KLHL32: variants seen among roughly 807,000 people sequenced by gnomAD.
KLHL32 encodes kelch-like protein 32.
Under a neutral mutation model 64.8 loss-of-function variants are expected in KLHL32, and 35 were observed. The ratio of observed to expected loss-of-function variants is 0.54; its 90% CI spans 0.41 to 0.72. KLHL32 has a LOEUF of 0.72. Ranked by LOEUF, KLHL32 falls within the 30% of genes least tolerant of loss-of-function variation. KLHL32 has a pLI of 0.00. For missense variants in KLHL32, 589 were observed against 768.5 expected (o/e 0.77, Z 2.76); for synonymous variants, 259 against 281.0 (o/e 0.92, Z 0.78).
intron 3 of KLHL32, among the ~76,000 whole-genome samples, chr6:97,031,431 G>A (rs1031008227): frequency 6.6e-6 from 1 of 151,894 alleles, no homozygotes; most frequent in African/African-American, 2.4e-5. Flanking sequence ...AAACTCATGG[G>A]GTCAAGTGAT....
the KLHL32 span, among the ~76,000 whole-genome samples, chr6:96,916,087 G>A: frequency 6.6e-6 from 1 of 152,202 alleles, no homozygotes; most frequent in Non-Finnish European, 1.5e-5. Flanking sequence ...GACTCCAGAG[G>A]TGCCTTGTGG....
Position 97,139,321 on chromosome 6 carries a change from T to C in KLHL32, c.*39T>C, listed in dbSNP as rs1053159943. On this transcript the variant is annotated 3_prime_UTR_variant, in exon 11 of 11. Coordinates refer to ENST00000369261, the MANE Select transcript of KLHL32 (RefSeq NM_052904.4). ...CATGAACAGGAGGAAAACATAGCTC[T>C]GACTGTTGGATACTGGGCATGAAAA... is the stretch of plus-strand genomic sequence containing the variant. 2 of 1,562,164 alleles carry C rather than the reference T, an allele frequency of 1.3e-6. No individual in the cohort carries two copies. The highest frequency in any genetic ancestry group is 1.8e-6 in the Non-Finnish European group (2 of 1,141,602).
intron 2 of KLHL32, among the ~76,000 whole-genome samples, chr6:96,971,729 C>T (rs1186864026): frequency 6.6e-6 from 1 of 151,876 alleles, no homozygotes; most frequent in Non-Finnish European, 1.5e-5. Flanking sequence ...TTACAGTGTT[C>T]AGGTGGAAAA....
intron 1 of KLHL32, among the ~76,000 whole-genome samples, chr6:96,930,978 G>T (rs1032641068): frequency 6.6e-6 from 1 of 152,100 alleles, no homozygotes; most frequent in Non-Finnish European, 1.5e-5. Flanking sequence ...TCAAGTACCT[G>T]GCGGGTACAG....
chr6:97,034,457 C>G (rs962722145), intron 3 of KLHL32, among the ~76,000 whole-genome samples: 4 of 152,040 alleles, frequency 2.6e-5, no homozygotes, highest in African/African-American at 9.7e-5. Flanking sequence ...ATGCCTCCAG[C>G]ATGTTCTTTT....
At chr6:97,056,654 C>T (rs891443657) in intron 4 of KLHL32, among the ~76,000 whole-genome samples, 13 of 152,144 alleles carry the variant, frequency 8.5e-5, no homozygotes, top group African/African-American at 3.1e-4. Context: ...GCTATTGACT[C>T]CCAGCCCCTA....
In KLHL32 at chr6:97,005,621, C is replaced by T. The variant is rs114300549; in HGVS notation, c.204+29444C>T. On this transcript the variant is annotated intron_variant, in intron 3 of 10. Transcript: ENST00000369261. Reference sequence around the variant, plus strand: ...AACTTTTTGATGTGGGCATTTATTACTATAAACATTCTTCTTCAGTCTGCT... The same window carrying T: ...AACTTTTTGATGTGGGCATTTATTATTATAAACATTCTTCTTCAGTCTGCT... Among the ~76,000 whole-genome samples, 1,084 of 152,182 alleles carry T rather than the reference C, an allele frequency of 7.1e-3. 16 individuals carry two copies. The highest frequency in any genetic ancestry group is 0.024 in the African/African-American group (1,011 of 41,552).
At chr6:96,939,972 G>A (rs1373643631) in intron 1 of KLHL32, among the ~76,000 whole-genome samples, 1 of 152,064 alleles carries the variant, frequency 6.6e-6, no homozygotes, top group Non-Finnish European at 1.5e-5. Flanking sequence ...AATTTTCAGG[G>A]CCTGGTGCTG....
chr6:97,102,124 T>C (rs1795810213), intron 6 of KLHL32, among the ~76,000 whole-genome samples: 1 of 152,192 alleles, frequency 6.6e-6, no homozygotes, highest in Non-Finnish European at 1.5e-5. Flanking sequence ...AGCATGTTGG[T>C]TTTTCATAAA....
Position 97,079,240 on chromosome 6 carries a change from C to T in KLHL32, c.412-5886C>T, listed in dbSNP as rs933342153. ...GCATAATTGAGATATTGAGAGACAC[C>T]GCAAAGGCCATGGCCACTCTGCTGC... On this transcript the variant is annotated intron_variant, in intron 5 of 10. Coordinates refer to ENST00000369261, the MANE Select transcript of KLHL32 (RefSeq NM_052904.4). 1.2e-4 allele frequency among the ~76,000 whole-genome samples: 18 copies of T among 152,122 alleles called. 1 individual carries two copies. Among genetic ancestry groups the T allele is most frequent in the Middle Eastern group, 6.8e-3 (2 of 292 alleles).
At chr6:97,089,900 A>C (rs1449303387) in intron 6 of KLHL32, among the ~76,000 whole-genome samples, 5 of 152,186 alleles carry the variant, frequency 3.3e-5, no homozygotes, top group Non-Finnish European at 7.3e-5. Context: ...AGACCAAAAA[A>C]TTTGCTGGCT....
intron 10 of KLHL32, among the ~76,000 whole-genome samples, chr6:97,132,990 T>TGGAAACTG (rs988697774): frequency 7.9e-5 from 12 of 152,226 alleles, no homozygotes; most frequent in African/African-American, 2.7e-4. Flanking sequence ...TAATATATAT[T>TGGAAACTG]GGAAACTGGG....
At chr6:97,105,592 G>A in intron 6 of KLHL32, 2 of 453,712 alleles carry the variant, frequency 4.4e-6, no homozygotes, top group Non-Finnish European at 9.1e-6. Flanking sequence ...TGCACCTTCA[G>A]CAGAGCTATC....
chr6:96,997,493 A>T (rs1348791225), intron 3 of KLHL32, among the ~76,000 whole-genome samples: 1 of 152,080 alleles, frequency 6.6e-6, no homozygotes, highest in Non-Finnish European at 1.5e-5. Context: ...CGTAAATGTA[A>T]TCCCAGCCCT....
At chr6:97,031,580 T>G (rs1355839150) in intron 3 of KLHL32, among the ~76,000 whole-genome samples, 1 of 152,000 alleles carries the variant, frequency 6.6e-6, no homozygotes, top group Non-Finnish European at 1.5e-5. Flanking sequence ...TCAAGTGAAC[T>G]TCTAGCCTCA....
the KLHL32 span, among the ~76,000 whole-genome samples, chr6:96,918,100 G>A: frequency 6.6e-6 from 1 of 152,288 alleles, no homozygotes; most frequent in East Asian, 1.9e-4. Flanking sequence ...GGCCTAGAAG[G>A]AAGAAGCTAT....
intron 1 of KLHL32, among the ~76,000 whole-genome samples, chr6:96,950,179 A>T (rs2128009249): frequency 6.6e-6 from 1 of 152,254 alleles, no homozygotes; most frequent in Non-Finnish European, 1.5e-5. Flanking sequence ...GCACATTTTT[A>T]ATGACAGAGG....
chr6:97,127,378 C>A, intron 7 of KLHL32, 26 bp from the exon 8 acceptor site: 1 of 1,586,582 alleles, frequency 6.3e-7, no homozygotes, highest in Non-Finnish European at 8.6e-7. Context: ...TCATGAAAAG[C>A]TCTAACACAT....
intron 4 of KLHL32, among the ~76,000 whole-genome samples, chr6:97,061,324 C>T (rs1369065598): frequency 1.3e-5 from 2 of 152,172 alleles, no homozygotes; most frequent in African/African-American, 4.8e-5. Flanking sequence ...TTTAGGGTTT[C>T]CTTTCCCCCC....
Sources: allele counts gnomAD v4.1 joint callset (sites outside exome capture counted in the v4.1 genomes callset), GRCh38; gene constraint gnomAD v4.1.1; transcripts MANE v1.5; gene names NCBI Gene and HGNC (gene_info 2026-07-23, HGNC 2026-07-21).